Variants in TRPM6 observed in about 807,000 individuals in gnomAD.
TRPM6 encodes the protein transient receptor potential cation channel subfamily M member 6, also known as channel kinase 2.
In TRPM6, 111 loss-of-function variants were observed where a neutral mutation model predicts 247.6. The observed-to-expected ratio is 0.45, with a 90% confidence interval of 0.38 to 0.52. TRPM6 has a LOEUF of 0.52. Ranked by LOEUF, TRPM6 falls within the 20% of genes least tolerant of loss-of-function variation. The pLI is 0.00. For synonymous variants in TRPM6, 892 were observed against 853.8 expected (o/e 1.04, Z -0.78); for missense variants, 2,126 against 2,421.5 (o/e 0.88, Z 2.56).
chr9:74,752,228 G>T, intron 29 of TRPM6, 49 bp downstream of exon 29: 1 of 1,055,842 alleles, frequency 9.5e-7, no homozygotes, highest in Non-Finnish European at 1.4e-6. Context: ...GTCAAGAGTA[G>T]CACTGCATGC....
intron 14 of TRPM6, among the ~76,000 whole-genome samples, chr9:74,807,471 C>T (rs1268729499): frequency 6.6e-6 from 1 of 152,182 alleles, no homozygotes; most frequent in East Asian, 1.9e-4. Flanking sequence ...GGCAATGTTT[C>T]CTCTGCTAAC....
rs1161401022 is a variant in TRPM6, at chr9:74,818,293, C to CTTTTTTTTTT, written c.1135-1339_1135-1330dup. Among the ~76,000 whole-genome samples the CTTTTTTTTTT allele has an allele frequency of 3.1e-4, 22 of 72,024 alleles. 5 individuals carry two copies. The highest frequency in any genetic ancestry group is 1.1e-3 in the African/African-American group (18 of 16,322). 47.3% of individuals were successfully genotyped at this position (72,024 alleles called of 152,430 possible). On this transcript the variant is annotated intron_variant, in intron 9 of 38. Transcript: ENST00000360774. ...AACTCACGTTTCAGATCTATCATTT[C>CTTTTTTTTTT]TTTTTTTTTTTTTTTTTTTTTTTTT...
chr9:74,872,678 C>T (rs1831065362), intron 1 of TRPM6, among the ~76,000 whole-genome samples: 1 of 151,892 alleles, frequency 6.6e-6, no homozygotes, highest in Non-Finnish European at 1.5e-5. Flanking sequence ...CTGTCTTGGC[C>T]AGGCTGATTT....
intron 25 of TRPM6, among the ~76,000 whole-genome samples, chr9:74,764,123 CAAAAAAA>C (rs79224540): frequency 5.1e-5 from 5 of 98,304 alleles, no homozygotes; most frequent in Admixed American, 1.1e-4. Context: ...GACTCCATCT[CAAAAAAA>C]AAAAAAAAAA....
intron 38 of TRPM6, among the ~76,000 whole-genome samples, chr9:74,726,823 T>C (rs755869162): frequency 1.6e-4 from 24 of 152,298 alleles, no homozygotes; most frequent in South Asian, 4.1e-4. Flanking sequence ...CAGAGGGCCC[T>C]TACCTGGAGG....
At position 74,848,378 on chromosome 9, in the gene TRPM6, C is replaced by T. The variant is rs186643715; in HGVS notation, c.153-6035G>A. ...TACTAAGCCACTAACGGGTGGGGAG[C>T]GTCTGTAGCATGGCTAGGCTGGACA... On this transcript the variant is annotated intron_variant, in intron 3 of 38. Coordinates refer to ENST00000360774, the MANE Select transcript of TRPM6 (RefSeq NM_017662.5). 5.3e-5 allele frequency among the ~76,000 whole-genome samples: 8 copies of T among 152,262 alleles called. No homozygotes were observed. The South Asian group carries it at 1.0e-3, about 20-fold the overall frequency.
chr9:74,763,253 A>C, intron 25 of TRPM6, 119 bp from the exon 26 acceptor site: 1 of 984,210 alleles, frequency 1.0e-6, no homozygotes, highest in South Asian at 1.4e-5. Context: ...CCCTAGGTTA[A>C]GTCTGTCTTT....
chr9:74,821,960 T>A, intron 7 of TRPM6, 123 bp from the exon 8 acceptor site: 1 of 1,116,776 alleles, frequency 9.0e-7, no homozygotes, highest in South Asian at 1.3e-5. Context: ...CACTGGCCCC[T>A]CTCTCATTTT....
At chr9:74,804,768 T>C (rs1828475439) in intron 14 of TRPM6, 2 of 738,664 alleles carry the variant, frequency 2.7e-6, no homozygotes, top group Non-Finnish European at 4.9e-6. Context: ...CACTGAATGG[T>C]CTTAAGCTGC....
At chr9:74,753,035 C>A (rs575236559) in intron 28 of TRPM6, among the ~76,000 whole-genome samples, 30 of 151,418 alleles carry the variant, frequency 2.0e-4, no homozygotes, top group African/African-American at 7.0e-4. Flanking sequence ...ATCGCTTGAA[C>A]CCCGAAGGCG....
intron 1 of TRPM6, among the ~76,000 whole-genome samples, chr9:74,877,542 C>T (rs1034398674): frequency 1.3e-5 from 2 of 152,106 alleles, no homozygotes; most frequent in African/African-American, 2.4e-5. Context: ...AGACTGCATC[C>T]TATCCTGGGA....
At position 74,816,810 on chromosome 9, in the gene TRPM6, A is replaced by G; in HGVS notation, c.1208-41T>C. On this transcript the variant is annotated intron_variant, in intron 10 of 38. Transcript: ENST00000360774. ...GGAACAATCATATATTCTTTTCAAGATATCTACGCAAGAAGCACAAAGTAC... is the reference window on the plus strand; with the variant it reads ...GGAACAATCATATATTCTTTTCAAGGTATCTACGCAAGAAGCACAAAGTAC... The G allele has an allele frequency of 3.1e-6, 5 of 1,610,974 alleles. No individual in the cohort carries two copies. The African/African-American group carries it at 5.3e-5, about 17-fold the overall frequency.
rs143861381 is a variant in TRPM6 at position 74,755,363 on chromosome 9, A to C, written c.4896T>G (p.Phe1632Leu). Reference sequence around the variant, plus strand: ...GTAGATGTTACATACCTGTGTGACTAAATTTGGACACTGTGAACCAGTTCT... The same window carrying C: ...GTAGATGTTACATACCTGTGTGACTCAATTTGGACACTGTGAACCAGTTCT... Reference protein sequence around the residue: ...YSKNWFTVSKFSHTGVEPYIH... With the variant: ...YSKNWFTVSKLSHTGVEPYIH... The change falls in exon 28 of 39, where the codon TTT (phenylalanine) becomes TTG (leucine). Residue 1632 changes from phenylalanine to leucine, a missense_variant. Physicochemically the swap from Phe to Leu is conservative, Grantham distance 22. Transcript: ENST00000360774. 2.2e-4 allele frequency: 350 copies of C among 1,614,092 alleles called. No homozygotes were observed. The African/African-American group carries it at 4.3e-3, about 20-fold the overall frequency.
At chr9:74,780,695 G>A (rs1587497626) in intron 23 of TRPM6, among the ~76,000 whole-genome samples, 1 of 152,186 alleles carries the variant, frequency 6.6e-6, no homozygotes, top group African/African-American at 2.4e-5. Context: ...TAACAGTGGG[G>A]TAGTGAGAGG....
intron 1 of TRPM6, among the ~76,000 whole-genome samples, chr9:74,877,954 C>T (rs565115467): frequency 6.7e-4 from 102 of 152,258 alleles, no homozygotes; most frequent in African/African-American, 2.2e-3. Context: ...CCCTGTCCAA[C>T]TCCATCCCAC....
chr9:74,769,989 G>A (rs1256399791), intron 25 of TRPM6, among the ~76,000 whole-genome samples: 1 of 152,158 alleles, frequency 6.6e-6, no homozygotes, highest in Non-Finnish European at 1.5e-5. Context: ...AGAACGTGTA[G>A]AAGAAGGAAA....
chr9:74,849,159 G>T (rs1830205070), intron 3 of TRPM6, among the ~76,000 whole-genome samples: 1 of 152,056 alleles, frequency 6.6e-6, no homozygotes, highest in South Asian at 2.1e-4. Context: ...AGACCAACCT[G>T]GCCAACATGG....
intron 1 of TRPM6, among the ~76,000 whole-genome samples, chr9:74,886,504 T>C (rs1485192033): frequency 6.6e-6 from 1 of 151,318 alleles, no homozygotes; most frequent in Non-Finnish European, 1.5e-5. Context: ...TCTCAGTGTC[T>C]TTTTTTCTCT....
At chr9:74,842,785 A>C (rs1446309781) in intron 3 of TRPM6, among the ~76,000 whole-genome samples, 1 of 152,224 alleles carries the variant, frequency 6.6e-6, no homozygotes, top group Admixed American at 6.5e-5. Flanking sequence ...AAAAAACGCT[A>C]CCAACCATCT....
Sources: gnomAD v4.1 joint callset for allele counts (sites outside exome capture counted in the v4.1 genomes callset) on GRCh38, gnomAD v4.1.1 for gene constraint, MANE v1.5 for transcripts, NCBI Gene and HGNC (gene_info 2026-07-23, HGNC 2026-07-21) for gene names.